Variants in GALNT13 observed in about 807,000 individuals in gnomAD.
GALNT13 encodes the protein UDP-GalNAc:polypeptide N-acetylgalactosaminyltransferase 13.
In GALNT13, 28 loss-of-function variants were observed where a neutral mutation model predicts 64.2. The observed-to-expected ratio is 0.44, with a 90% confidence interval of 0.32 to 0.60. The LOEUF (loss-of-function observed/expected upper bound fraction) is 0.60, where lower values mean the gene tolerates loss of function less well. GALNT13 is among the 20% of genes least tolerant of loss of function. The pLI, the probability that GALNT13 is intolerant of heterozygous loss-of-function variation, is 0.05. For synonymous variants in GALNT13, 214 were observed against 224.6 expected (o/e 0.95, Z 0.42); for missense variants, 577 against 669.8 (o/e 0.86, Z 1.53).
chr2:154,134,373 T>C (rs1224381311), intron 3 of GALNT13, among the ~76,000 whole-genome samples: 1 of 152,154 alleles, frequency 6.6e-6, no homozygotes, highest in Non-Finnish European at 1.5e-5. Flanking sequence ...GCAAAAGAAA[T>C]ATACAGAAAG....
the GALNT13 span, among the ~76,000 whole-genome samples, chr2:153,195,954 A>G: frequency 2.6e-5 from 4 of 152,176 alleles, no homozygotes; most frequent in African/African-American, 7.2e-5. Context: ...GATCATCCCA[A>G]TGAGGGTTCA....
At chr2:153,110,851 A>G in the GALNT13 span, among the ~76,000 whole-genome samples, 1 of 152,154 alleles carries the variant, frequency 6.6e-6, no homozygotes, top group Non-Finnish European at 1.5e-5. Context: ...AATCTTGCCT[A>G]TGATCAGTTG....
the GALNT13 span, among the ~76,000 whole-genome samples, chr2:153,152,084 G>A: frequency 1.1e-4 from 16 of 152,066 alleles, no homozygotes; most frequent in Admixed American, 3.9e-4. Context: ...TTTCTGGGGA[G>A]AGCTAGTACT....
At chr2:154,248,664 T>A (rs1318894674) in intron 7 of GALNT13, among the ~76,000 whole-genome samples, 16 of 152,238 alleles carry the variant, frequency 1.1e-4, no homozygotes, top group Non-Finnish European at 1.5e-5. Flanking sequence ...CATCTACTAA[T>A]AAGTCAGAAG....
At chr2:153,937,060 A>G (rs955465429) in intron 2 of GALNT13, among the ~76,000 whole-genome samples, 1 of 152,134 alleles carries the variant, frequency 6.6e-6, no homozygotes, top group Non-Finnish European at 1.5e-5. Flanking sequence ...TTTTGTGAGA[A>G]GACTAGATTA....
At chr2:154,381,853 C>A (rs939009127) in intron 9 of GALNT13, among the ~76,000 whole-genome samples, 1 of 152,090 alleles carries the variant, frequency 6.6e-6, no homozygotes, top group East Asian at 1.9e-4. Context: ...CTTTTGGCAG[C>A]TGCTGCCTTC....
chr2:154,230,145 G>A (rs1013200893), intron 4 of GALNT13, among the ~76,000 whole-genome samples: 8 of 152,078 alleles, frequency 5.3e-5, no homozygotes, highest in Non-Finnish European at 1.2e-4. Flanking sequence ...GAGCCCCTGA[G>A]TGGTCAGTTG....
chr2:153,398,465 A>C, the GALNT13 span, among the ~76,000 whole-genome samples: 497 of 151,894 alleles, frequency 3.3e-3, 3 homozygotes, highest in African/African-American at 0.011. Context: ...GTCAAATGGT[A>C]TTTCCTGTTC....
At chr2:154,444,890 T>C (rs1701486979) in intron 12 of GALNT13, among the ~76,000 whole-genome samples, 2 of 152,042 alleles carry the variant, frequency 1.3e-5, no homozygotes, top group African/African-American at 4.8e-5. Flanking sequence ...CTTAATAGTA[T>C]GTTTGTAGAT....
At chr2:153,329,249 T>C in the GALNT13 span, among the ~76,000 whole-genome samples, 1 of 152,182 alleles carries the variant, frequency 6.6e-6, no homozygotes, top group African/African-American at 2.4e-5. Flanking sequence ...GTTCCTATTC[T>C]GCCATCTTGC....
At chr2:154,374,834 A>T (rs1020808369) in intron 9 of GALNT13, among the ~76,000 whole-genome samples, 1 of 152,222 alleles carries the variant, frequency 6.6e-6, no homozygotes, top group South Asian at 2.1e-4. Flanking sequence ...TGTTTTAAAT[A>T]TCTTTCAAAA....
the GALNT13 span, among the ~76,000 whole-genome samples, chr2:153,825,636 G>A: frequency 9.2e-5 from 14 of 151,474 alleles, 1 homozygote; most frequent in African/African-American, 3.2e-4. Flanking sequence ...GTGTGTGTGT[G>A]TGTGTGTGTG....
intron 9 of GALNT13, among the ~76,000 whole-genome samples, chr2:154,384,797 T>G (rs1353854807): frequency 6.6e-6 from 1 of 151,978 alleles, no homozygotes; most frequent in Non-Finnish European, 1.5e-5. Flanking sequence ...TGATTCAGTA[T>G]TATGCCGAGG....
the GALNT13 span, among the ~76,000 whole-genome samples, chr2:153,554,707 CCACA>C: frequency 6.6e-6 from 1 of 150,782 alleles, no homozygotes; most frequent in African/African-American, 2.4e-5. Flanking sequence ...CATAAGTGTG[CCACA>C]CAAACTTTGT....
At chr2:154,165,240 TG>T (rs1409941281) in intron 4 of GALNT13, among the ~76,000 whole-genome samples, 1 of 152,170 alleles carries the variant, frequency 6.6e-6, no homozygotes, top group Non-Finnish European at 1.5e-5. Flanking sequence ...TATTTTTCCT[TG>T]GGGAACTTTT....
chr2:153,838,675 T>C, the GALNT13 span, among the ~76,000 whole-genome samples: 1 of 151,940 alleles, frequency 6.6e-6, no homozygotes, highest in Non-Finnish European at 1.5e-5. Context: ...CTTTATAAAA[T>C]ACTTTAAAAT....
the GALNT13 span, among the ~76,000 whole-genome samples, chr2:153,670,945 G>A: frequency 6.6e-6 from 1 of 152,108 alleles, no homozygotes; most frequent in African/African-American, 2.4e-5. Flanking sequence ...GCAGAAGAAA[G>A]GATATCAGTG....
At chr2:154,389,743 G>A (rs1698694356) in intron 9 of GALNT13, among the ~76,000 whole-genome samples, 1 of 152,060 alleles carries the variant, frequency 6.6e-6, no homozygotes, top group Non-Finnish European at 1.5e-5. Context: ...CTGCAACCAG[G>A]GAGACAAGAG....
At chr2:154,269,894 T>TTA (rs1323036519) in intron 8 of GALNT13, among the ~76,000 whole-genome samples, 1 of 34,548 alleles carries the variant, frequency 2.9e-5, no homozygotes, top group East Asian at 1.6e-3. Context: ...ATATATATAT[T>TTA]TATATATATG....
Sources: gnomAD v4.1 joint callset for allele counts (sites outside exome capture counted in the v4.1 genomes callset) on GRCh38, gnomAD v4.1.1 for gene constraint, MANE v1.5 for transcripts, NCBI Gene and HGNC (gene_info 2026-07-23, HGNC 2026-07-21) for gene names.